The following MCU variants were observed in gnomAD, a reference collection of about 807,000 sequenced individuals.
The protein encoded by MCU is calcium uniporter protein, mitochondrial.
A neutral mutation model predicts 45.2 loss-of-function variants in MCU; 12 were observed. That is an observed-to-expected ratio of 0.27 (90% confidence interval 0.17 to 0.43). MCU has a LOEUF of 0.43. MCU is among the 20% of genes least tolerant of loss of function. The probability of loss-of-function intolerance (pLI) is 1.00; values close to 1 mark genes in which losing one functional copy is unlikely to be tolerated. For missense variants in MCU, 324 were observed against 436.7 expected, an observed-to-expected ratio of 0.74 and a Z score of 2.30; for synonymous variants, 160 against 165.1, an observed-to-expected ratio of 0.97 and a Z score of 0.24.
intron 1 of MCU, among the ~76,000 whole-genome samples, chr10:72,792,851 T>C (rs921422552): frequency 6.6e-6 from 1 of 151,932 alleles, no homozygotes; most frequent in Non-Finnish European, 1.5e-5. Flanking sequence ...CAGTGGACAT[T>C]AGTGGCAATG....
intron 2 of MCU, among the ~76,000 whole-genome samples, chr10:72,838,993 A>ATT (rs1363892026): frequency 7.1e-6 from 1 of 141,022 alleles, no homozygotes. Context: ...CAAATCATCT[A>ATT]TTTTTTTTTT....
At chr10:72,826,876 G>C (rs1337124215) in intron 1 of MCU, among the ~76,000 whole-genome samples, 1 of 152,278 alleles carries the variant, frequency 6.6e-6, no homozygotes, top group Non-Finnish European at 1.5e-5. Flanking sequence ...CACCCAAGAC[G>C]TAAATCATCC....
At chr10:72,861,462 T>C (rs1235029385) in intron 4 of MCU, among the ~76,000 whole-genome samples, 1 of 151,952 alleles carries the variant, frequency 6.6e-6, no homozygotes, top group African/African-American at 2.4e-5. Context: ...AGTCTCACTC[T>C]GTCGCCCAGG....
chr10:72,810,574 TCTC>T (rs1844527008), intron 1 of MCU, among the ~76,000 whole-genome samples: 2 of 151,536 alleles, frequency 1.3e-5, no homozygotes, highest in Admixed American at 1.3e-4. Context: ...TTGAAGTGAT[TCTC>T]CTGCCTCAGC....
rs2132750464 is a variant in MCU, at chr10:72,780,423, A to G, written c.151-53936A>G. Among the ~76,000 whole-genome samples, 3 of 152,134 alleles carry G rather than the reference A, an allele frequency of 2.0e-5. No homozygotes were observed. In the South Asian group the frequency reaches 6.2e-4, roughly 32 times the overall value. On this transcript the variant is annotated intron_variant, in intron 1 of 7. Transcript: ENST00000373053. ...TTATGGTATATAAATTATATCTCAAAAGGATTTTTTAAAAAATAGCTGTGG... is the reference window on the plus strand; with the variant it reads ...TTATGGTATATAAATTATATCTCAAGAGGATTTTTTAAAAAATAGCTGTGG...
rs141578536 is a variant in MCU at position 72,885,926 on chromosome 10, T to A, written c.*104T>A. The A allele has an allele frequency of 3.2e-3, 2,488 of 782,450 alleles. 55 individuals carry two copies. The highest frequency in any genetic ancestry group is 3.8e-4 in the Non-Finnish European group (181 of 471,830). 48.5% of individuals were successfully genotyped at this position (782,450 alleles called of 1,614,324 possible). On this transcript the variant is annotated 3_prime_UTR_variant, in exon 8 of 8. Coordinates refer to ENST00000373053, the MANE Select transcript of MCU (RefSeq NM_138357.3). Reference sequence around the variant, plus strand: ...GAGCCATGTGGGGGGTAGAGCGTTTTTACCTTTAATTATAAAACAAAAACA... The same window carrying A: ...GAGCCATGTGGGGGGTAGAGCGTTTATACCTTTAATTATAAAACAAAAACA...
chr10:72,695,226 CTACATCTTT>C lies in MCU; in HGVS notation c.150+2929_150+2937del, dbSNP rs369555041. On this transcript the variant is annotated intron_variant, in intron 1 of 7. Coordinates refer to ENST00000373053, the MANE Select transcript of MCU (RefSeq NM_138357.3). The stretch of plus-strand genomic sequence containing the variant: ...AGCAGTTAACGGCTATGCTGAATTA[CTACATCTTT>C]TACTTAAGTCTGTCATTGTCCTGTT... Among the ~76,000 whole-genome samples, 601 of 152,336 alleles carry C rather than the reference CTACATCTTT, an allele frequency of 3.9e-3. 4 individuals carry two copies. The highest frequency in any genetic ancestry group is 0.014 in the African/African-American group (571 of 41,564).
At chr10:72,725,131 A>T (rs1456701515) in intron 1 of MCU, among the ~76,000 whole-genome samples, 2 of 146,624 alleles carry the variant, frequency 1.4e-5, no homozygotes, top group African/African-American at 5.0e-5. Flanking sequence ...CACCTGGCTA[A>T]TTTTTTTTTT....
chr10:72,866,016 A>G (rs577103553), intron 4 of MCU, among the ~76,000 whole-genome samples: 150 of 150,016 alleles, frequency 1.0e-3, no homozygotes, highest in Non-Finnish European at 1.8e-3. Flanking sequence ...TGACCTCGTG[A>G]TCCGCCCTCC....
In MCU at chr10:72,784,751, C is replaced by T. The variant is rs74537579; in HGVS notation, c.151-49608C>T. Among the ~76,000 whole-genome samples the T allele has an allele frequency of 9.0e-3, 1,374 of 152,214 alleles. 24 individuals are homozygous for T. Among genetic ancestry groups the T allele is most frequent in the African/African-American group, 0.031 (1,298 of 41,534 alleles). ...TGTGTGAGTGAGGGCTGGCTGTGCA[C>T]CCTGCCTCTCTGGCTGAAGTAAGTT... is the stretch of plus-strand genomic sequence containing the variant. On this transcript the variant is annotated intron_variant, in intron 1 of 7. Coordinates refer to ENST00000373053, the MANE Select transcript of MCU (RefSeq NM_138357.3).
At chr10:72,715,284 A>T in intron 1 of MCU, 2 of 486,412 alleles carry the variant, frequency 4.1e-6, no homozygotes, top group Non-Finnish European at 5.4e-6. Flanking sequence ...AGCCATGTAG[A>T]GGAGCTTCTT....
At chr10:72,804,015 T>C (rs1844381656) in intron 1 of MCU, among the ~76,000 whole-genome samples, 1 of 66,958 alleles carries the variant, frequency 1.5e-5, no homozygotes, top group Non-Finnish European at 2.9e-5. Context: ...GGAATGTAAG[T>C]AAATATATAT....
chr10:72,864,202 A>C (rs943378780), intron 4 of MCU, among the ~76,000 whole-genome samples: 1 of 152,088 alleles, frequency 6.6e-6, no homozygotes, highest in Non-Finnish European at 1.5e-5. Context: ...GTGTGGTGCT[A>C]ATTATCTCCT....
At chr10:72,751,103 C>A (rs1213674920) in intron 1 of MCU, among the ~76,000 whole-genome samples, 1 of 151,200 alleles carries the variant, frequency 6.6e-6, no homozygotes, top group Non-Finnish European at 1.5e-5. Context: ...TGGGTTCAAG[C>A]GTTTTTCCTG....
intron 1 of MCU, among the ~76,000 whole-genome samples, chr10:72,713,272 GT>G (rs1355962040): frequency 6.6e-6 from 1 of 152,008 alleles, no homozygotes. Flanking sequence ...TAATGGGAGA[GT>G]TTTTTTTGTT....
At chr10:72,872,222 G>A (rs1845552461) in intron 6 of MCU, among the ~76,000 whole-genome samples, 1 of 152,016 alleles carries the variant, frequency 6.6e-6, no homozygotes, top group African/African-American at 2.4e-5. Flanking sequence ...TCAAATCAGG[G>A]TAAATGGCAT....
chr10:72,754,538 C>T (rs1214273019), intron 1 of MCU, among the ~76,000 whole-genome samples: 1 of 152,080 alleles, frequency 6.6e-6, no homozygotes, highest in Admixed American at 6.5e-5. Context: ...ATTACTTGAG[C>T]CCAGGAGTTT....
In MCU at chr10:72,751,348, T is replaced by TC. The variant is rs1843494772; in HGVS notation, c.150+59047_150+59048insC. Among the ~76,000 whole-genome samples, 4 of 101,848 alleles carry TC rather than the reference T, an allele frequency of 3.9e-5. No homozygotes were observed. In the South Asian group the frequency reaches 1.3e-3, roughly 33 times the overall value. 66.8% of individuals were successfully genotyped at this position (101,848 alleles called of 152,430 possible). A position where few individuals can be genotyped will look rare whatever the true frequency, so the allele number is the denominator to read the frequency against. On this transcript the variant is annotated intron_variant, in intron 1 of 7. Transcript: ENST00000373053. ...TAACATCTTCTTCTTCTTCTTTTTT[T>TC]TTTTTTTTTTTTTTTTTTTTTTTGA...
At chr10:72,788,083 C>G (rs768433834) in intron 1 of MCU, among the ~76,000 whole-genome samples, 18 of 152,162 alleles carry the variant, frequency 1.2e-4, no homozygotes, top group Non-Finnish European at 2.1e-4. Context: ...GAGTTGATAC[C>G]TGGTGCTTGA....
Sources: gnomAD v4.1 joint callset for allele counts (sites outside exome capture counted in the v4.1 genomes callset) on GRCh38, gnomAD v4.1.1 for gene constraint, MANE v1.5 for transcripts, NCBI Gene and HGNC (gene_info 2026-07-23, HGNC 2026-07-21) for gene names.